PTK2B: variants seen among roughly 807,000 people sequenced by gnomAD.
PTK2B encodes protein-tyrosine kinase 2-beta.
PTK2B carries 71 observed loss-of-function variants against 142.9 expected under a neutral mutation model. The observed-to-expected ratio is 0.50, with a 90% CI of 0.41 to 0.61. PTK2B has a LOEUF of 0.61. Among genes scored for constraint, PTK2B ranks in the 20% least tolerant of loss-of-function variants. PTK2B has a pLI of 0.00. For missense variants in PTK2B, 1,105 were observed against 1,320.4 expected (o/e 0.84, Z 2.53); for synonymous variants, 519 against 503.4 (o/e 1.03, Z -0.42).
chr8:27,457,744 G>A (rs891139229), intron 30 of PTK2B, among the ~76,000 whole-genome samples: 5 of 152,170 alleles, frequency 3.3e-5, no homozygotes, highest in African/African-American at 1.2e-4. Context: ...GGAGGCCAAG[G>A]TCGGAGGATC....
At chr8:27,368,665 C>T (rs189935769) in intron 1 of PTK2B, among the ~76,000 whole-genome samples, 1 of 152,340 alleles carries the variant, frequency 6.6e-6, no homozygotes, top group Admixed American at 6.5e-5. Flanking sequence ...GGTTCCATCC[C>T]ATTATCTCAT....
At chr8:27,367,495 G>C (rs1806088154) in intron 1 of PTK2B, among the ~76,000 whole-genome samples, 1 of 152,218 alleles carries the variant, frequency 6.6e-6, no homozygotes, top group Non-Finnish European at 1.5e-5. Context: ...CAGGACGATG[G>C]CCTCTCTCCT....
intron 2 of PTK2B, among the ~76,000 whole-genome samples, chr8:27,406,642 G>A (rs532501814): frequency 6.6e-6 from 1 of 152,242 alleles, no homozygotes; most frequent in East Asian, 1.9e-4. Context: ...CATTGTCATG[G>A]TTCTCACGAT....
chr8:27,365,892 A>G (rs1199103319), intron 1 of PTK2B, among the ~76,000 whole-genome samples: 1 of 152,188 alleles, frequency 6.6e-6, no homozygotes. Context: ...CAGTTATGAA[A>G]TGAACCAATT....
chr8:27,408,987 G>A (rs571105861), intron 2 of PTK2B, among the ~76,000 whole-genome samples: 4 of 152,214 alleles, frequency 2.6e-5, no homozygotes, highest in Admixed American at 6.5e-5. Flanking sequence ...CTGGTGATTC[G>A]CCAATGGTCT....
chr8:27,368,862 G>A (rs1162704817), intron 1 of PTK2B, among the ~76,000 whole-genome samples: 5 of 152,146 alleles, frequency 3.3e-5, no homozygotes, highest in African/African-American at 7.2e-5. Flanking sequence ...GGAGACCCTG[G>A]AAAGAAGAAC....
intron 1 of PTK2B, among the ~76,000 whole-genome samples, chr8:27,349,355 A>G (rs1283614394): frequency 6.6e-6 from 1 of 152,250 alleles, no homozygotes; most frequent in Non-Finnish European, 1.5e-5. Context: ...TAGGATGACA[A>G]TTACATAAGG....
At chr8:27,432,171 T>G in intron 9 of PTK2B, 89 bp from the exon 10 acceptor site, 1 of 1,145,588 alleles carries the variant, frequency 8.7e-7, no homozygotes, top group Non-Finnish European at 1.3e-6. Context: ...TCCCAGTTCC[T>G]CCTCACCCCG....
In PTK2B at chr8:27,427,138, T is replaced by TGAAA. The variant is rs538132458; in HGVS notation, c.552-2955_552-2954insGAAA. Reference sequence around the variant, plus strand: ...TTTCCCTTTTCAGCGTAGTAAACTCTTCTATCTTCTGGCACCTTTAGAAAA... The same window carrying TGAAA: ...TTTCCCTTTTCAGCGTAGTAAACTCTGAAATCTATCTTCTGGCACCTTTAGAAAA... On this transcript the variant is annotated intron_variant, in intron 5 of 30. Transcript: ENST00000346049. Among the ~76,000 whole-genome samples, 41 of 152,262 alleles carry TGAAA rather than the reference T, an allele frequency of 2.7e-4. 3 individuals carry two copies. The South Asian group carries it at 8.5e-3, about 32-fold the overall frequency.
chr8:27,361,401 T>C (rs1409920940), intron 1 of PTK2B, among the ~76,000 whole-genome samples: 6 of 152,052 alleles, frequency 3.9e-5, no homozygotes, highest in Admixed American at 3.9e-4. Context: ...TATTTTACTT[T>C]TTGTACAGAT....
At chr8:27,437,925 A>G (rs1381912473) in intron 18 of PTK2B, 45 bp downstream of exon 18, 9 of 1,509,118 alleles carry the variant, frequency 6.0e-6, no homozygotes, top group African/African-American at 1.4e-5. Flanking sequence ...CCAGGCCTTC[A>G]CCAGATCCTC....
Position 27,447,815 on chromosome 8 carries a change from C to T in PTK2B, c.2340+1896C>T, listed in dbSNP as rs556578257. 5.9e-5 allele frequency among the ~76,000 whole-genome samples: 9 copies of T among 152,258 alleles called. No homozygotes were observed. The South Asian group carries it at 8.3e-4, about 14-fold the overall frequency. On this transcript the variant is annotated intron_variant, in intron 24 of 30. Transcript: ENST00000346049. ...CAGAGGTTGCAGTGAGCTGAGATCA[C>T]GCCACTGCACTCCAACCTGGGCAAC... is the stretch of plus-strand genomic sequence containing the variant.
chr8:27,405,070 T>TCTCTC (rs1554498574), intron 2 of PTK2B, among the ~76,000 whole-genome samples: 2 of 63,048 alleles, frequency 3.2e-5, no homozygotes, highest in South Asian at 1.3e-3. Flanking sequence ...CTCTCTCTCT[T>TCTCTC]AGCCATGTGA....
intron 4 of PTK2B, among the ~76,000 whole-genome samples, chr8:27,421,021 G>C (rs967733228): frequency 5.9e-5 from 9 of 152,228 alleles, no homozygotes; most frequent in African/African-American, 2.2e-4. Context: ...AACAGCAAGA[G>C]CAGGTCCAAG....
chr8:27,440,970 A>G (rs1021794848), intron 21 of PTK2B, among the ~76,000 whole-genome samples: 10 of 152,042 alleles, frequency 6.6e-5, no homozygotes, highest in Middle Eastern at 3.4e-3. Flanking sequence ...GAAGAAGGTC[A>G]TCTGTTTCAG....
At chr8:27,359,095 T>A (rs1269983785) in intron 1 of PTK2B, among the ~76,000 whole-genome samples, 1 of 152,180 alleles carries the variant, frequency 6.6e-6, no homozygotes, top group East Asian at 1.9e-4. Flanking sequence ...ACCTTCTTTT[T>A]TTTCTATTTA....
chr8:27,372,936 A>G (rs1806447564), intron 1 of PTK2B, among the ~76,000 whole-genome samples: 1 of 152,116 alleles, frequency 6.6e-6, no homozygotes, highest in Non-Finnish European at 1.5e-5. Context: ...GACATTTCCA[A>G]AGTCTATGTG....
chr8:27,451,188 C>T (rs1301506706), intron 26 of PTK2B, 110 bp downstream of exon 26: 3 of 1,290,548 alleles, frequency 2.3e-6, no homozygotes, highest in African/African-American at 1.5e-5. Flanking sequence ...CCCAGCTCCT[C>T]CTCAATGGCT....
chr8:27,437,287 C>A (rs1167478578), intron 16 of PTK2B, 81 bp downstream of exon 16: 1 of 1,548,286 alleles, frequency 6.5e-7, no homozygotes, highest in African/African-American at 1.4e-5. Context: ...AGTGCAGGGA[C>A]CCATGTTGGA....
Sources: allele counts gnomAD v4.1 joint callset (sites outside exome capture counted in the v4.1 genomes callset), GRCh38; gene constraint gnomAD v4.1.1; transcripts MANE v1.5; gene names NCBI Gene and HGNC (gene_info 2026-07-23, HGNC 2026-07-21).